Variants in ITPRID1 observed in about 807,000 individuals in gnomAD.
ITPRID1 encodes ITPR interacting domain containing 1.
A neutral mutation model predicts 95.4 loss-of-function variants in ITPRID1; 96 were observed. The observed-to-expected ratio is 1.01, with a 90% confidence interval of 0.85 to 1.19. The LOEUF (loss-of-function observed/expected upper bound fraction) is 1.19. Ranked by LOEUF, ITPRID1 falls within the 50% of genes most tolerant of loss-of-function variation. ITPRID1 has a pLI of 0.00. For missense variants in ITPRID1, 1,339 were observed against 1,252.9 expected (o/e 1.07, Z -1.04); for synonymous variants, 510 against 453.6 (o/e 1.12, Z -1.58).
intron 10 of ITPRID1, among the ~76,000 whole-genome samples, chr7:31,608,434 T>C (rs2128163481): frequency 6.6e-6 from 1 of 151,986 alleles, no homozygotes; most frequent in Middle Eastern, 3.4e-3. Context: ...GTATTCTATC[T>C]TCAAATCAAC....
At chr7:31,611,229 G>C (rs930274835) in intron 10 of ITPRID1, among the ~76,000 whole-genome samples, 22 of 151,238 alleles carry the variant, frequency 1.5e-4, no homozygotes, top group African/African-American at 5.3e-4. Flanking sequence ...ATTTTCTCCA[G>C]TATAGTTTTA....
At chr7:31,602,160 A>G (rs190051893) in intron 10 of ITPRID1, among the ~76,000 whole-genome samples, 1 of 152,290 alleles carries the variant, frequency 6.6e-6, no homozygotes, top group African/African-American at 2.4e-5. Flanking sequence ...TTTTTAAAAT[A>G]TTACAATTTT....
At chr7:31,550,530 C>T (rs1784251145) in intron 2 of ITPRID1, among the ~76,000 whole-genome samples, 1 of 152,280 alleles carries the variant, frequency 6.6e-6, no homozygotes, top group East Asian at 1.9e-4. Context: ...ATCTGTGTCC[C>T]TTTCCGAAGG....
chr7:31,599,650 T>TTC (rs1562598921), intron 10 of ITPRID1, among the ~76,000 whole-genome samples: 219 of 42,808 alleles, frequency 5.1e-3, no homozygotes, highest in African/African-American at 0.013. Flanking sequence ...TCTTTCTTTT[T>TTC]CTTTCTTTCC....
chr7:31,646,252 T>A (rs1790456182), intron 12 of ITPRID1, among the ~76,000 whole-genome samples: 1 of 152,194 alleles, frequency 6.6e-6, no homozygotes, highest in Non-Finnish European at 1.5e-5. Flanking sequence ...CCAGAGAGCA[T>A]GACTGGTCAG....
chr7:31,583,233 C>T, intron 10 of ITPRID1, 42 bp downstream of exon 10: 1 of 1,347,516 alleles, frequency 7.4e-7, no homozygotes, highest in Non-Finnish European at 1.1e-6. Context: ...AATGGTCTTT[C>T]AGAATGTAAA....
chr7:31,565,587 A>T (rs1784770794), intron 5 of ITPRID1, among the ~76,000 whole-genome samples: 2 of 152,054 alleles, frequency 1.3e-5, no homozygotes, highest in African/African-American at 4.8e-5. Flanking sequence ...AATACAAAAA[A>T]ATTAGCCAGG....
At position 31,585,506 on chromosome 7, in the gene ITPRID1, A is replaced by G. The variant is rs182101753; in HGVS notation, c.1228+2315A>G. 2.1e-3 allele frequency among the ~76,000 whole-genome samples: 323 copies of G among 152,334 alleles called. 1 individual carries two copies. Among genetic ancestry groups the G allele is most frequent in the Admixed American group, 2.5e-3 (38 of 15,304 alleles). Reference sequence around the variant, plus strand: ...TATATAATAGTGCTATTTAAAAGGAAGAAGAGGAGGAGAAGTCTATCATTC... The same window carrying G: ...TATATAATAGTGCTATTTAAAAGGAGGAAGAGGAGGAGAAGTCTATCATTC... On this transcript the variant is annotated intron_variant, in intron 10 of 14. Coordinates refer to ENST00000615280, the MANE Select transcript of ITPRID1 (RefSeq NM_001257967.3).
chr7:31,532,680 T>C (rs1478308082), intron 1 of ITPRID1, among the ~76,000 whole-genome samples: 1 of 152,190 alleles, frequency 6.6e-6, no homozygotes, highest in African/African-American at 2.4e-5. Flanking sequence ...TAATGCTTTA[T>C]GAGAAATGCG....
chr7:31,548,428 G>A (rs933837706), intron 1 of ITPRID1, among the ~76,000 whole-genome samples: 4 of 152,140 alleles, frequency 2.6e-5, no homozygotes, highest in African/African-American at 4.8e-5. Flanking sequence ...ACACTATCTT[G>A]AAGACTATAG....
chr7:31,523,390 C>T (rs368516458), intron 1 of ITPRID1, among the ~76,000 whole-genome samples: 9 of 152,162 alleles, frequency 5.9e-5, no homozygotes, highest in East Asian at 3.9e-4. Context: ...AAGGGTGTCA[C>T]GTGAAGAGCT....
chr7:31,624,180 A>G (rs1189748770), intron 10 of ITPRID1, among the ~76,000 whole-genome samples: 1 of 150,026 alleles, frequency 6.7e-6, no homozygotes, highest in Admixed American at 6.7e-5. Context: ...CAATATCGTG[A>G]AAATGGCCAT....
At chr7:31,591,685 G>T (rs998876157) in intron 10 of ITPRID1, among the ~76,000 whole-genome samples, 6 of 152,156 alleles carry the variant, frequency 3.9e-5, no homozygotes, top group Non-Finnish European at 8.8e-5. Flanking sequence ...CAAATCCTAG[G>T]CTTGGAAACA....
At chr7:31,529,691 A>G in intron 1 of ITPRID1, 2 of 1,297,820 alleles carry the variant, frequency 1.5e-6, no homozygotes, top group Non-Finnish European at 1.1e-6. Flanking sequence ...CTGCAGTCAC[A>G]AGGGCTTTGT....
chr7:31,616,838 TCAGATATCCAAACCTCTCTTAACAGATAC>T (rs557463901), intron 10 of ITPRID1, among the ~76,000 whole-genome samples: 292 of 152,206 alleles, frequency 1.9e-3, no homozygotes, highest in African/African-American at 6.6e-3. Context: ...CAAACAATTA[TCAGATATCCAAACCTCTCTTAACAGATAC>T]CAGATACCCA....
Position 31,643,135 on chromosome 7 carries a change from G to A in ITPRID1, c.1765G>A (p.Val589Met), listed in dbSNP as rs765198145. The A allele has an allele frequency of 7.4e-6, 12 of 1,613,854 alleles. No homozygotes were observed. The highest frequency in any genetic ancestry group is 9.3e-6 in the Non-Finnish European group (11 of 1,179,902). Residue 589 changes from valine to methionine, a missense_variant, in exon 12 of 15, where the codon GTG (valine) becomes ATG (methionine). Physicochemically the swap from Val to Met is conservative, Grantham distance 21. Transcript: ENST00000615280. ...SFVRPEGAGK[V>M]QSHHNESQRS... ...TGTGAGGCCTGAGGGAGCTGGCAAA[G>A]TGCAAAGCCACCACAATGAGTCTCA...
chr7:31,520,868 T>G (rs1783227755), intron 1 of ITPRID1, among the ~76,000 whole-genome samples: 1 of 152,006 alleles, frequency 6.6e-6, no homozygotes, highest in Admixed American at 6.6e-5. Flanking sequence ...TCTCCATCTC[T>G]AATCCATTCC....
At chr7:31,643,991 C>A (rs780046893) in intron 12 of ITPRID1, 38 bp downstream of exon 12, 1 of 1,547,492 alleles carries the variant, frequency 6.5e-7, no homozygotes, top group South Asian at 1.2e-5. Flanking sequence ...AAGGCAGATG[C>A]ACCCGTGATA....
At chr7:31,633,177 G>A (rs555427805) in intron 10 of ITPRID1, among the ~76,000 whole-genome samples, 2 of 152,130 alleles carry the variant, frequency 1.3e-5, no homozygotes, top group African/African-American at 2.4e-5. Flanking sequence ...GAGCTACCGC[G>A]ACCGGCCAGG....
Sources: gnomAD v4.1 joint callset for allele counts (sites outside exome capture counted in the v4.1 genomes callset) on GRCh38, gnomAD v4.1.1 for gene constraint, MANE v1.5 for transcripts, NCBI Gene and HGNC (gene_info 2026-07-23, HGNC 2026-07-21) for gene names.